Variants in KAZN observed in about 807,000 individuals in gnomAD.
The protein encoded by KAZN is kazrin, periplakin interacting protein, also known as kazrin.
A neutral mutation model predicts 87.4 loss-of-function variants in KAZN; 40 were observed. That is an observed-to-expected ratio of 0.46 (90% CI 0.36 to 0.60). The LOEUF is 0.60. Ranked by LOEUF, KAZN falls within the 20% of genes least tolerant of loss-of-function variation. The probability of loss-of-function intolerance (pLI) is 0.00; values close to 1 mark genes in which losing one functional copy is unlikely to be tolerated. For synonymous variants in KAZN, 466 were observed against 458.3 expected, an observed-to-expected ratio of 1.02 and a Z score of -0.22; for missense variants, 898 against 1,073.9, an observed-to-expected ratio of 0.84 and a Z score of 2.29.
intron 2 of KAZN, among the ~76,000 whole-genome samples, chr1:14,429,688 G>A (rs952527226): frequency 1.2e-4 from 18 of 152,078 alleles, no homozygotes; most frequent in Non-Finnish European, 2.2e-4. Flanking sequence ...GGAATTACTG[G>A]GTACCTGTCT....
At chr1:15,079,523 G>A (rs1639901366) in intron 8 of KAZN, among the ~76,000 whole-genome samples, 1 of 152,100 alleles carries the variant, frequency 6.6e-6, no homozygotes, top group Non-Finnish European at 1.5e-5. Flanking sequence ...TTGGGGCACA[G>A]CTGATTTCCT....
At chr1:14,791,703 T>C (rs1017018006) in intron 1 of KAZN, among the ~76,000 whole-genome samples, 3 of 152,212 alleles carry the variant, frequency 2.0e-5, no homozygotes, top group Admixed American at 6.5e-5. Flanking sequence ...GAGATGATGA[T>C]GGAGCTGGGC....
intron 2 of KAZN, among the ~76,000 whole-genome samples, chr1:14,504,523 G>A (rs922305855): frequency 2.0e-5 from 3 of 152,176 alleles, no homozygotes; most frequent in South Asian, 2.1e-4. Context: ...GCCAGGAGAA[G>A]GTGCAACACG....
intron 2 of KAZN, among the ~76,000 whole-genome samples, chr1:14,496,775 A>C (rs1339650162): frequency 6.6e-6 from 1 of 152,112 alleles, no homozygotes; most frequent in Admixed American, 6.5e-5. Context: ...GCGCGCCTAC[A>C]TGCAAAGCGT....
intron 13 of KAZN, among the ~76,000 whole-genome samples, chr1:15,110,883 C>T (rs1046925986): frequency 4.6e-5 from 7 of 152,202 alleles, no homozygotes; most frequent in African/African-American, 1.7e-4. Flanking sequence ...TGAGGCTCTC[C>T]CAGGCTTATT....
intron 1 of KAZN, among the ~76,000 whole-genome samples, chr1:14,132,388 C>T (rs1254052020): frequency 2.0e-5 from 3 of 152,108 alleles, no homozygotes; most frequent in Non-Finnish European, 4.4e-5. Flanking sequence ...ACTGGGTGCC[C>T]TGGCTCAGCA....
chr1:14,491,792 A>C (rs1669663721), intron 2 of KAZN, among the ~76,000 whole-genome samples: 1 of 152,014 alleles, frequency 6.6e-6, no homozygotes, highest in African/African-American at 2.4e-5. Context: ...GTTCTATTTA[A>C]TAATGCTTTT....
chr1:14,640,999 C>A (rs939049868), intron 1 of KAZN, among the ~76,000 whole-genome samples: 5 of 152,218 alleles, frequency 3.3e-5, no homozygotes, highest in Non-Finnish European at 7.3e-5. Context: ...GGCAAAATGA[C>A]TGCTGGTAAC....
At chr1:14,999,978 A>G (rs764001124) in intron 2 of KAZN, among the ~76,000 whole-genome samples, 5 of 152,202 alleles carry the variant, frequency 3.3e-5, no homozygotes, top group African/African-American at 1.2e-4. Context: ...CAAGATGTCC[A>G]TGATATAATC....
intron 2 of KAZN, among the ~76,000 whole-genome samples, chr1:14,384,375 G>T (rs930691670): frequency 6.6e-6 from 1 of 152,108 alleles, no homozygotes; most frequent in African/African-American, 2.4e-5. Context: ...GGTGAGAGGG[G>T]GCATTCCTGT....
At chr1:15,000,154 G>GCCTC (rs1557702172) in intron 2 of KAZN, among the ~76,000 whole-genome samples, 3 of 151,614 alleles carry the variant, frequency 2.0e-5, no homozygotes, top group African/African-American at 7.3e-5. Flanking sequence ...ATGTGAGACT[G>GCCTC]GAAAAAGGTC....
chr1:14,719,456 G>T (rs1006506141), intron 1 of KAZN, among the ~76,000 whole-genome samples: 7 of 152,228 alleles, frequency 4.6e-5, no homozygotes, highest in African/African-American at 4.8e-5. Context: ...CAGTGCTATG[G>T]AGAAACAGGA....
chr1:14,126,558 T>C (rs184693719), intron 1 of KAZN, among the ~76,000 whole-genome samples: 1 of 152,276 alleles, frequency 6.6e-6, no homozygotes, highest in East Asian at 1.9e-4. Flanking sequence ...AAGGTCTCAT[T>C]TGAATTTTAC....
intron 2 of KAZN, among the ~76,000 whole-genome samples, chr1:14,224,646 A>C (rs1647200389): frequency 6.6e-6 from 1 of 152,154 alleles, no homozygotes; most frequent in African/African-American, 2.4e-5. Flanking sequence ...CCAGCTAAGA[A>C]ATGACATAGT....
intron 1 of KAZN, among the ~76,000 whole-genome samples, chr1:14,631,154 A>G (rs895477382): frequency 3.3e-5 from 5 of 152,056 alleles, no homozygotes; most frequent in Admixed American, 6.6e-5. Context: ...TCAGCATCCA[A>G]TCAGAGTGAA....
At chr1:14,220,247 C>G (rs182678838) in intron 2 of KAZN, among the ~76,000 whole-genome samples, 63 of 152,314 alleles carry the variant, frequency 4.1e-4, no homozygotes, top group Admixed American at 9.2e-4. Context: ...CTCTGCTCAT[C>G]ATTTCTTTCT....
chr1:14,757,935 G>A (rs1003116209), intron 1 of KAZN, among the ~76,000 whole-genome samples: 5 of 152,150 alleles, frequency 3.3e-5, no homozygotes. Flanking sequence ...AATACGTTTT[G>A]GTTAACAGTG....
chr1:14,608,593 C>A (rs1417711532), intron 1 of KAZN, among the ~76,000 whole-genome samples: 1 of 152,160 alleles, frequency 6.6e-6, no homozygotes, highest in Non-Finnish European at 1.5e-5. Context: ...ACAGCTACTA[C>A]CTGGGACCTT....
At chr1:14,640,357 C>T (rs1485980898) in intron 1 of KAZN, among the ~76,000 whole-genome samples, 1 of 152,180 alleles carries the variant, frequency 6.6e-6, no homozygotes, top group Admixed American at 6.5e-5. Flanking sequence ...GTTGAATTTT[C>T]ATCACTCCAT....
Sources: gnomAD v4.1 joint callset for allele counts (sites outside exome capture counted in the v4.1 genomes callset) on GRCh38, gnomAD v4.1.1 for gene constraint, MANE v1.5 for transcripts, NCBI Gene and HGNC (gene_info 2026-07-23, HGNC 2026-07-21) for gene names.